XRCC4: variants seen among roughly 807,000 people sequenced by gnomAD.
XRCC4 encodes the protein X-ray repair cross complementing 4.
XRCC4 carries 28 observed loss-of-function variants against 39.1 expected under a neutral mutation model. The observed-to-expected ratio is 0.72, with a 90% CI of 0.53 to 0.98. XRCC4 has a LOEUF of 0.98. XRCC4 is among the 50% of genes least tolerant of loss of function. XRCC4 has a pLI of 0.00. For synonymous variants in XRCC4, 123 were observed against 126.4 expected (o/e 0.97, Z 0.18); for missense variants, 350 against 376.4 (o/e 0.93, Z 0.58).
At chr5:83,190,981 G>A (rs1750668030) in intron 3 of XRCC4, among the ~76,000 whole-genome samples, 1 of 151,908 alleles carries the variant, frequency 6.6e-6, no homozygotes, top group South Asian at 2.1e-4. Flanking sequence ...CTATCCTATT[G>A]TAGTTATAGT....
At chr5:83,170,793 C>T (rs1749687045) in intron 3 of XRCC4, among the ~76,000 whole-genome samples, 1 of 152,052 alleles carries the variant, frequency 6.6e-6, no homozygotes. Flanking sequence ...GAATATCTCT[C>T]AAATCCACAA....
At position 83,258,729 on chromosome 5, in the gene XRCC4, A is replaced by G. The variant is rs1196968010; in HGVS notation, c.893+52A>G. On this transcript the variant is annotated intron_variant, in intron 7 of 7. Coordinates refer to ENST00000396027, the MANE Select transcript of XRCC4 (RefSeq NM_003401.5). ...AGTGAGATGACATTTTTGAAAATCT[A>G]GCATATGATCTTAAAAATTATGTTT... 5.1e-6 allele frequency: 8 copies of G among 1,563,578 alleles called. No homozygotes were observed. In the South Asian group the frequency reaches 8.3e-5, roughly 16 times the overall value.
At chr5:83,222,861 T>G (rs1337875206) in intron 6 of XRCC4, among the ~76,000 whole-genome samples, 2 of 151,970 alleles carry the variant, frequency 1.3e-5, no homozygotes, top group African/African-American at 4.8e-5. Context: ...GATCCTCCCA[T>G]CTCAGCCTTC....
intron 6 of XRCC4, among the ~76,000 whole-genome samples, chr5:83,208,117 A>C (rs1751489883): frequency 6.6e-6 from 1 of 151,954 alleles, no homozygotes; most frequent in Non-Finnish European, 1.5e-5. Flanking sequence ...TTTCATCTGG[A>C]GTTGTTCACA....
chr5:83,281,253 G>A (rs1754527533), intron 7 of XRCC4, among the ~76,000 whole-genome samples: 1 of 151,998 alleles, frequency 6.6e-6, no homozygotes, highest in Admixed American at 6.5e-5. Flanking sequence ...TTCTTACATA[G>A]CTCCCTTTCA....
At chr5:83,136,628 T>C (rs976447270) in intron 3 of XRCC4, among the ~76,000 whole-genome samples, 5 of 152,208 alleles carry the variant, frequency 3.3e-5, no homozygotes, top group African/African-American at 9.6e-5. Flanking sequence ...AAATTCTCAC[T>C]TCAAAATTTC....
intron 1 of XRCC4, among the ~76,000 whole-genome samples, chr5:83,089,242 G>T (rs10040244): frequency 0.37 from 55,955 of 151,908 alleles, 11,335 homozygotes; most frequent in South Asian, 0.51. Context: ...AATAGTACTA[G>T]AATTCTGAAA....
At chr5:83,113,933 T>G (rs1035248778) in intron 3 of XRCC4, among the ~76,000 whole-genome samples, 2 of 152,138 alleles carry the variant, frequency 1.3e-5, no homozygotes, top group African/African-American at 4.8e-5. Flanking sequence ...GCGCAGACAT[T>G]TCTATACATC....
In XRCC4 at chr5:83,195,933, G is replaced by T. The variant is rs372493882; in HGVS notation, c.479G>T (p.Gly160Val). 1.1e-5 allele frequency: 17 copies of T among 1,606,974 alleles called. No individual in the cohort carries two copies. The highest frequency in any genetic ancestry group is 1.4e-5 in the Non-Finnish European group (17 of 1,176,522). Reference protein sequence around the residue: ...RLLRDWNDVQGRFEKCVSAKE... With the variant: ...RLLRDWNDVQVRFEKCVSAKE... The stretch of plus-strand genomic sequence containing the variant: ...CTGAGAGATTGGAATGATGTTCAAG[G>T]ACGGTGTGTACACAGTTTGCTTGTG... Residue 160 changes from glycine to valine, a missense_variant, in exon 4 of 8, where the codon GGA (glycine) becomes GTA (valine). Gly to Val is a moderately radical substitution (Grantham distance 109). Coordinates refer to ENST00000396027, the MANE Select transcript of XRCC4 (RefSeq NM_003401.5).
At chr5:83,156,451 T>A (rs1227723110) in intron 3 of XRCC4, among the ~76,000 whole-genome samples, 3 of 152,034 alleles carry the variant, frequency 2.0e-5, no homozygotes, top group Non-Finnish European at 2.9e-5. Flanking sequence ...TCAAATAAAA[T>A]AAAATTTTCC....
At chr5:83,093,014 G>GAC (rs34020910) in intron 1 of XRCC4, among the ~76,000 whole-genome samples, 2,566 of 149,226 alleles carry the variant, frequency 0.017, 46 homozygotes, top group East Asian at 0.082. Flanking sequence ...TAAATGAATG[G>GAC]ACACACACAC....
rs1749020404 is a variant in XRCC4 at position 83,157,520 on chromosome 5, G to A, written c.316-38250G>A. On this transcript the variant is annotated intron_variant, in intron 3 of 7. Coordinates refer to ENST00000396027, the MANE Select transcript of XRCC4 (RefSeq NM_003401.5). ...AATAAAAAAAACATGAAACAGGTTT[G>A]AGAAAAAGAGACCTTGAGAGAACAG... 2.0e-5 allele frequency among the ~76,000 whole-genome samples: 3 copies of A among 152,002 alleles called. No homozygotes were observed. In the South Asian group the frequency reaches 6.2e-4, roughly 31 times the overall value.
intron 3 of XRCC4, among the ~76,000 whole-genome samples, chr5:83,151,014 G>A (rs547198121): frequency 6.6e-6 from 1 of 151,870 alleles, no homozygotes; most frequent in East Asian, 1.9e-4. Flanking sequence ...TTTCTTTCAG[G>A]TGCAAGTTTA....
Position 83,164,403 on chromosome 5 carries a change from AAAC to A in XRCC4, c.316-31361_316-31359del, listed in dbSNP as rs1749361311. Among the ~76,000 whole-genome samples the A allele has an allele frequency of 3.3e-5, 5 of 152,290 alleles. No individual in the cohort carries two copies. The South Asian group carries it at 1.0e-3, about 32-fold the overall frequency. On this transcript the variant is annotated intron_variant, in intron 3 of 7. Coordinates refer to ENST00000396027, the MANE Select transcript of XRCC4 (RefSeq NM_003401.5). ...GCTCTTTAGACATTACTAAAATCAAAAACAACAAATTTAAACATTTACAGTTTG... is the reference window on the plus strand; with the variant it reads ...GCTCTTTAGACATTACTAAAATCAAAAACAAATTTAAACATTTACAGTTTG...
At position 83,316,465 on chromosome 5, in the gene XRCC4, G is replaced by A. The variant is rs756119407; in HGVS notation, c.894-36666G>A. 1.7e-3 allele frequency among the ~76,000 whole-genome samples: 253 copies of A among 151,000 alleles called. 3 individuals are homozygous for A. The Middle Eastern group carries it at 0.041, about 24-fold the overall frequency. On this transcript the variant is annotated intron_variant, in intron 7 of 7. Transcript: ENST00000396027. ...GCTGTATTCAGGAAACCCATCTCACGTGCAGAGACACACATAGGCTCAAAA... is the reference window on the plus strand; with the variant it reads ...GCTGTATTCAGGAAACCCATCTCACATGCAGAGACACACATAGGCTCAAAA...
intron 1 of XRCC4, among the ~76,000 whole-genome samples, chr5:83,104,135 G>A (rs1746083132): frequency 1.3e-5 from 2 of 152,118 alleles, no homozygotes; most frequent in Admixed American, 1.3e-4. Flanking sequence ...CTCTATTACA[G>A]AGTGCCCCTG....
chr5:83,245,023 C>T (rs1372166590), intron 6 of XRCC4, among the ~76,000 whole-genome samples: 1 of 151,798 alleles, frequency 6.6e-6, no homozygotes, highest in East Asian at 1.9e-4. Flanking sequence ...TAAATCACAC[C>T]AGCTTGGAAC....
intron 6 of XRCC4, among the ~76,000 whole-genome samples, chr5:83,210,232 C>T (rs781388323): frequency 6.6e-6 from 1 of 152,116 alleles, no homozygotes; most frequent in Non-Finnish European, 1.5e-5. Flanking sequence ...TTTAGAATAA[C>T]AGATTATGCT....
At chr5:83,130,707 T>C (rs1747529479) in intron 3 of XRCC4, among the ~76,000 whole-genome samples, 1 of 152,174 alleles carries the variant, frequency 6.6e-6, no homozygotes, top group African/African-American at 2.4e-5. Context: ...GGAGGGTGTA[T>C]GTGTCGAGGA....
Sources: allele counts gnomAD v4.1 joint callset (sites outside exome capture counted in the v4.1 genomes callset), GRCh38; gene constraint gnomAD v4.1.1; transcripts MANE v1.5; gene names NCBI Gene and HGNC (gene_info 2026-07-23, HGNC 2026-07-21).